Variants in PTPN21 observed in about 807,000 individuals in gnomAD.
PTPN21 encodes tyrosine-protein phosphatase non-receptor type 21.
PTPN21 carries 77 observed loss-of-function variants against 131.8 expected under a neutral mutation model. The ratio of observed to expected loss-of-function variants is 0.58; its 90% CI spans 0.49 to 0.71. The LOEUF (loss-of-function observed/expected upper bound fraction) is 0.71, where lower values mean the gene tolerates loss of function less well. PTPN21 is among the 30% of genes least tolerant of loss of function. PTPN21 has a pLI of 0.00. For missense variants in PTPN21, 1,552 were observed against 1,527.1 expected, an observed-to-expected ratio of 1.02 and a Z score of -0.27; for synonymous variants, 715 against 621.3, an observed-to-expected ratio of 1.15 and a Z score of -2.24.
chr14:88,476,599 G>GA (rs1057443211), intron 13 of PTPN21, among the ~76,000 whole-genome samples: 30 of 152,284 alleles, frequency 2.0e-4, no homozygotes, highest in African/African-American at 7.2e-4. Flanking sequence ...AGCAGGCAGC[G>GA]AAGGGATGAC....
intron 3 of PTPN21, among the ~76,000 whole-genome samples, chr14:88,513,172 T>C (rs922785795): frequency 5.9e-5 from 9 of 152,152 alleles, no homozygotes. Context: ...CTTTTTTTTG[T>C]TTTGTTTTGT....
chr14:88,534,538 A>T (rs2078601710), intron 2 of PTPN21, among the ~76,000 whole-genome samples: 2 of 152,224 alleles, frequency 1.3e-5, no homozygotes, highest in African/African-American at 4.8e-5. Context: ...TTAAAAATTT[A>T]AAAGTTTGTA....
intron 15 of PTPN21, among the ~76,000 whole-genome samples, chr14:88,470,782 A>G (rs892125456): frequency 1.3e-5 from 2 of 152,238 alleles, no homozygotes; most frequent in East Asian, 3.8e-4. Context: ...GTACCAGGTT[A>G]TAACAGTGAA....
rs2078071012 is a variant in PTPN21 at position 88,505,364 on chromosome 14, A to G, written c.456T>C (p.Phe152=). The stretch of plus-strand genomic sequence containing the variant: ...GGGATTCATACTGATCAAAGTCACC[A>G]AAATCCGCTATATAGAATGACAAAC... ...QLAGLAVQAD[F]GDFDQYESQD... Residue 152 remains phenylalanine (F), a synonymous_variant, in exon 5 of 19, where the codon TTT becomes TTC. Coordinates refer to ENST00000556564, the MANE Select transcript of PTPN21 (RefSeq NM_007039.4). 1 of 1,600,818 alleles carries G rather than the reference A, an allele frequency of 6.2e-7. No homozygotes were observed. Among genetic ancestry groups the G allele is most frequent in the Admixed American group, 1.7e-5 (1 of 59,102 alleles).
intron 1 of PTPN21, among the ~76,000 whole-genome samples, chr14:88,553,815 T>C (rs901725553): frequency 2.0e-5 from 3 of 152,128 alleles, no homozygotes; most frequent in South Asian, 2.1e-4. Context: ...CCTATTAAGG[T>C]CCTTACCACA....
intron 2 of PTPN21, among the ~76,000 whole-genome samples, chr14:88,526,112 A>G (rs1204587648): frequency 1.3e-5 from 2 of 152,164 alleles, no homozygotes; most frequent in Non-Finnish European, 2.9e-5. Context: ...AGAGACAGAC[A>G]GTAAATTGGT....
chr14:88,478,596 A>C (rs73314123), intron 13 of PTPN21, among the ~76,000 whole-genome samples: 5,225 of 151,874 alleles, frequency 0.034, 353 homozygotes, highest in African/African-American at 0.12. Flanking sequence ...TGGCTAAAGT[A>C]ATGAAATCTT....
intron 10 of PTPN21, among the ~76,000 whole-genome samples, chr14:88,493,757 G>T (rs181153633): frequency 6.6e-6 from 1 of 152,180 alleles, no homozygotes; most frequent in Non-Finnish European, 1.5e-5. Context: ...GCAACATTTC[G>T]GGTCTCAGCT....
At chr14:88,517,527 G>A (rs1245766422) in intron 2 of PTPN21, among the ~76,000 whole-genome samples, 2 of 151,694 alleles carry the variant, frequency 1.3e-5, no homozygotes, top group Non-Finnish European at 2.9e-5. Context: ...ATACATTCAC[G>A]ACCTAGACAC....
intron 8 of PTPN21, 75 bp from the exon 9 acceptor site, chr14:88,497,365 T>G (rs1010143449): frequency 8.4e-7 from 1 of 1,183,988 alleles, no homozygotes; most frequent in Non-Finnish European, 1.2e-6. Context: ...ACACAAGTTT[T>G]CCCTAAGCCT....
chr14:88,487,002 CTAAACGTA>C (rs1478902066), intron 10 of PTPN21, among the ~76,000 whole-genome samples: 1 of 148,502 alleles, frequency 6.7e-6, no homozygotes, highest in Admixed American at 6.7e-5. Context: ...AAAAAAGTAC[CTAAACGTA>C]TTAGGGAGTG....
chr14:88,468,060 A>G lies in PTPN21; in HGVS notation c.*77T>C, dbSNP rs756516952. On this transcript the variant is annotated 3_prime_UTR_variant, in exon 19 of 19. Coordinates refer to ENST00000556564, the MANE Select transcript of PTPN21 (RefSeq NM_007039.4). ...TGCGTGGATCAAGTGTCAACGGGAA[A>G]GTATGAGTTAGGCAAGCGCTTTTTT... 123 of 1,529,394 alleles carry G rather than the reference A, an allele frequency of 8.0e-5. No individual in the cohort carries two copies. In the East Asian group the frequency reaches 2.2e-3, roughly 27 times the overall value. The allele number at this position is 1,529,394 out of a possible 1,614,324, so 94.7% of individuals were successfully genotyped here.
chr14:88,550,573 G>A lies in PTPN21; in HGVS notation c.-156C>T. ...CAGCAGCCGCTGCCGCCATTAAAAA[G>A]CAACGGAGTCTCCAATGGCCCGAGG... On this transcript the variant is annotated 5_prime_UTR_variant, in exon 2 of 19. Coordinates refer to ENST00000556564, the MANE Select transcript of PTPN21 (RefSeq NM_007039.4). 1 of 718,436 alleles carries A rather than the reference G, an allele frequency of 1.4e-6. No homozygotes were observed. The highest frequency in any genetic ancestry group is 2.0e-5 in the South Asian group (1 of 50,992). The allele number at this position is 718,436 out of a possible 1,614,324, so 44.5% of individuals were successfully genotyped here.
chr14:88,478,888 C>T, intron 13 of PTPN21, 32 bp downstream of exon 13: 1 of 1,407,484 alleles, frequency 7.1e-7, no homozygotes, highest in Non-Finnish European at 9.3e-7. Flanking sequence ...CGCGCGGTCC[C>T]CTGGCCCGGC....
Position 88,546,103 on chromosome 14 carries a change from C to T in PTPN21, c.180+4135G>A, listed in dbSNP as rs192617571. Among the ~76,000 whole-genome samples, 334 of 151,312 alleles carry T rather than the reference C, an allele frequency of 2.2e-3. 2 individuals carry two copies. The highest frequency in any genetic ancestry group is 7.6e-3 in the African/African-American group (314 of 41,270). ...CTACATTGGATACATGTATATTAACCACGTTGCTTTTAATTTAATACAAAA... is the reference window on the plus strand; with the variant it reads ...CTACATTGGATACATGTATATTAACTACGTTGCTTTTAATTTAATACAAAA... On this transcript the variant is annotated intron_variant, in intron 2 of 18. Coordinates refer to ENST00000556564, the MANE Select transcript of PTPN21 (RefSeq NM_007039.4).
intron 6 of PTPN21, among the ~76,000 whole-genome samples, chr14:88,502,153 G>A (rs2078018689): frequency 1.3e-5 from 2 of 152,128 alleles, no homozygotes; most frequent in African/African-American, 2.4e-5. Flanking sequence ...GAGTGCCCAA[G>A]TGCATGCAGA....
chr14:88,471,707 T>C (rs1317120630), intron 15 of PTPN21, among the ~76,000 whole-genome samples: 2 of 152,164 alleles, frequency 1.3e-5, no homozygotes, highest in African/African-American at 2.4e-5. Flanking sequence ...CCAGACACTT[T>C]TGTTACATAA....
In PTPN21 at chr14:88,469,012, G is replaced by A. The variant is rs1483966327; in HGVS notation, c.3300C>T (p.Pro1100=). The A allele has an allele frequency of 6.2e-7, 1 of 1,614,182 alleles. No individual in the cohort carries two copies. The highest frequency in any genetic ancestry group is 1.7e-5 in the Admixed American group (1 of 60,016). ...TGCAGTGGACCAACAACGGAGGGTT[G>A]GGGCTTTGGGGATCACTTGTGCTAT... ...HTNSTSDPQS[P]NPPLLVHCSA... The change falls in exon 18 of 19, where the codon CCC becomes CCT. Residue 1100 remains proline (P), a synonymous_variant. Coordinates refer to ENST00000556564, the MANE Select transcript of PTPN21 (RefSeq NM_007039.4). The surrounding 1 kb of genome is among the most constrained non-coding windows in gnomAD (Gnocchi z 4.3).
chr14:88,510,974 G>T lies in PTPN21; in HGVS notation c.351-2954C>A, dbSNP rs373104720. Among the ~76,000 whole-genome samples, 31 of 151,318 alleles carry T rather than the reference G, an allele frequency of 2.0e-4. 1 individual carries two copies. Among genetic ancestry groups the T allele is most frequent in the African/African-American group, 7.3e-4 (30 of 41,156 alleles). On this transcript the variant is annotated intron_variant, in intron 3 of 18. Coordinates refer to ENST00000556564, the MANE Select transcript of PTPN21 (RefSeq NM_007039.4). ...ATAGCCCAGGCTGGAGTGCAATGGC[G>T]TAATCAGGGCTCACTACAGCCTCAA...
Sources: gnomAD v4.1 joint callset for allele counts (sites outside exome capture counted in the v4.1 genomes callset) on GRCh38, gnomAD v4.1.1 for gene constraint, Gnocchi (gnomAD v3.1) non-coding constraint, MANE v1.5 for transcripts, NCBI Gene and HGNC (gene_info 2026-07-23, HGNC 2026-07-21) for gene names.